The following NXPE2 variants were observed in gnomAD, a reference collection of about 807,000 sequenced individuals.
NXPE2 encodes the protein neurexophilin and PC-esterase domain family member 2.
A neutral mutation model predicts 34.4 loss-of-function variants in NXPE2; 34 were observed. That is an observed-to-expected ratio of 0.99 (90% CI 0.75 to 1.31). The LOEUF is 1.31. Ranked by LOEUF, NXPE2 falls within the 40% of genes most tolerant of loss-of-function variation. The probability of loss-of-function intolerance (pLI) is 0.00; values close to 1 mark genes in which losing one functional copy is unlikely to be tolerated. For synonymous variants in NXPE2, 235 were observed against 231.3 expected (o/e 1.02, Z -0.15); for missense variants, 649 against 672.5 (o/e 0.97, Z 0.39).
chr11:114,538,225 T>C, the NXPE2 span, among the ~76,000 whole-genome samples: 1 of 152,206 alleles, frequency 6.6e-6, no homozygotes, highest in South Asian at 2.1e-4. Flanking sequence ...TGGCTAGCCA[T>C]ATGTAGAAAG....
the NXPE2 span, among the ~76,000 whole-genome samples, chr11:114,471,145 A>G: frequency 1.3e-5 from 2 of 152,280 alleles, no homozygotes; most frequent in Admixed American, 1.3e-4. Context: ...CATGAAGTCC[A>G]ATTTATCATT....
upstream of NXPE2, among the ~76,000 whole-genome samples, chr11:114,674,459 C>T (rs1950835170): frequency 6.6e-6 from 1 of 151,446 alleles, no homozygotes; most frequent in Non-Finnish European, 1.5e-5. Context: ...AAGTTGTTAG[C>T]ACTTTAAAAT....
chr11:114,791,065 A>G, the NXPE2 span, among the ~76,000 whole-genome samples: 1 of 151,936 alleles, frequency 6.6e-6, no homozygotes, highest in Non-Finnish European at 1.5e-5. Flanking sequence ...AACCCTGCAT[A>G]TGCTAAGAGC....
the NXPE2 span, among the ~76,000 whole-genome samples, chr11:114,588,673 T>G: frequency 4.1e-4 from 63 of 152,172 alleles, no homozygotes; most frequent in Non-Finnish European, 7.5e-4. Context: ...GAAACACTTT[T>G]TAATGTGCAT....
At chr11:114,628,860 A>C in the NXPE2 span, among the ~76,000 whole-genome samples, 1 of 152,030 alleles carries the variant, frequency 6.6e-6, no homozygotes, top group Non-Finnish European at 1.5e-5. Context: ...ATCCCACAGA[A>C]ATACAAACTA....
At chr11:114,715,122 TA>T in the NXPE2 span, among the ~76,000 whole-genome samples, 1 of 152,216 alleles carries the variant, frequency 6.6e-6, no homozygotes, top group Non-Finnish European at 1.5e-5. Flanking sequence ...TTATTTTGAT[TA>T]TCAAGCCTGT....
chr11:114,630,492 C>G, the NXPE2 span, among the ~76,000 whole-genome samples: 7 of 151,646 alleles, frequency 4.6e-5, no homozygotes, highest in Non-Finnish European at 1.0e-4. Context: ...GAAACTGGAT[C>G]CCTTCCTTAC....
intron 4 of NXPE2, among the ~76,000 whole-genome samples, chr11:114,704,759 G>A (rs1951440597): frequency 6.6e-6 from 1 of 152,162 alleles, no homozygotes; most frequent in Non-Finnish European, 1.5e-5. Flanking sequence ...CATGAACCCA[G>A]ATGTAAAGTT....
At chr11:114,506,590 A>G in the NXPE2 span, among the ~76,000 whole-genome samples, 2 of 152,178 alleles carry the variant, frequency 1.3e-5, no homozygotes, top group Admixed American at 1.3e-4. Flanking sequence ...ACCCACAACT[A>G]TACAATTACA....
At chr11:114,606,097 G>A in the NXPE2 span, among the ~76,000 whole-genome samples, 2 of 151,692 alleles carry the variant, frequency 1.3e-5, no homozygotes, top group African/African-American at 4.9e-5. Context: ...TACCTCATGG[G>A]TAGCCACTGT....
the NXPE2 span, among the ~76,000 whole-genome samples, chr11:114,778,146 T>G: frequency 6.6e-6 from 1 of 152,174 alleles, no homozygotes; most frequent in Non-Finnish European, 1.5e-5. Context: ...GAGTAAACAA[T>G]GTTTAAGTCA....
At chr11:114,633,586 T>C in the NXPE2 span, among the ~76,000 whole-genome samples, 3 of 151,630 alleles carry the variant, frequency 2.0e-5, no homozygotes, top group South Asian at 2.1e-4. Context: ...TAGCATTAGG[T>C]ATATCTCATA....
chr11:114,609,468 A>C, the NXPE2 span, among the ~76,000 whole-genome samples: 1 of 151,766 alleles, frequency 6.6e-6, no homozygotes, highest in African/African-American at 2.4e-5. Flanking sequence ...AATGGATAAT[A>C]AGTGTTGCCT....
chr11:114,725,230 C>A, the NXPE2 span, among the ~76,000 whole-genome samples: 2,361 of 152,128 alleles, frequency 0.016, 28 homozygotes, highest in South Asian at 0.029. Context: ...AACATTAGCA[C>A]GTATCAGTAT....
the NXPE2 span, among the ~76,000 whole-genome samples, chr11:114,714,497 C>A: frequency 6.6e-6 from 1 of 152,164 alleles, no homozygotes; most frequent in Non-Finnish European, 1.5e-5. Flanking sequence ...TGAATTAACT[C>A]AAAACTGAGA....
the NXPE2 span, among the ~76,000 whole-genome samples, chr11:114,755,248 C>T: frequency 6.6e-6 from 1 of 152,126 alleles, no homozygotes; most frequent in Non-Finnish European, 1.5e-5. Flanking sequence ...ATTTATTACC[C>T]ATAGGCTGTG....
the NXPE2 span, among the ~76,000 whole-genome samples, chr11:114,536,671 A>G: frequency 1.3e-5 from 2 of 152,234 alleles, no homozygotes; most frequent in Non-Finnish European, 2.9e-5. Flanking sequence ...CAAATAAACT[A>G]GAAAATCTAG....
At chr11:114,551,042 A>G in the NXPE2 span, 2 of 876,196 alleles carry the variant, frequency 2.3e-6, no homozygotes, top group Non-Finnish European at 3.6e-6. Context: ...GACTGACTTG[A>G]GGCACGTCAC....
At chr11:114,708,232 A>G (rs1450749735), downstream of NXPE2, among the ~76,000 whole-genome samples, 5 of 152,200 alleles carry the variant, frequency 3.3e-5, no homozygotes, top group Non-Finnish European at 7.3e-5. Flanking sequence ...AGATTCCAGT[A>G]AGAATCATGG....
Sources: gnomAD v4.1 joint callset for allele counts (sites outside exome capture counted in the v4.1 genomes callset) on GRCh38, gnomAD v4.1.1 for gene constraint, MANE v1.5 for transcripts, NCBI Gene and HGNC (gene_info 2026-07-23, HGNC 2026-07-21) for gene names.